Variants in SH3GL3 observed in about 807,000 individuals in gnomAD.
SH3GL3 encodes SH3 domain containing GRB2 like 3, endophilin A3.
In SH3GL3, 33 loss-of-function variants were observed where a neutral mutation model predicts 47.7. That is an observed-to-expected ratio of 0.69 (90% CI 0.52 to 0.92). SH3GL3 has a LOEUF of 0.92. Ranked by LOEUF, SH3GL3 falls within the 40% of genes least tolerant of loss-of-function variation. The pLI, the probability that SH3GL3 is intolerant of heterozygous loss-of-function variation, is 0.00. For missense variants in SH3GL3, 363 were observed against 417.8 expected, an observed-to-expected ratio of 0.87 and a Z score of 1.14; for synonymous variants, 155 against 148.8, an observed-to-expected ratio of 1.04 and a Z score of -0.30.
At chr15:83,513,847 T>C (rs2042874024) in intron 1 of SH3GL3, among the ~76,000 whole-genome samples, 1 of 152,160 alleles carries the variant, frequency 6.6e-6, no homozygotes, top group Non-Finnish European at 1.5e-5. Context: ...AAATGACTAA[T>C]CATCATAAAT....
the SH3GL3 span, among the ~76,000 whole-genome samples, chr15:83,629,076 C>A: frequency 6.6e-6 from 1 of 152,068 alleles, no homozygotes; most frequent in Non-Finnish European, 1.5e-5. Context: ...CTGAAAACTA[C>A]AAAACATTGT....
downstream of SH3GL3, among the ~76,000 whole-genome samples, chr15:83,620,199 C>G (rs1007909962): frequency 4.6e-5 from 7 of 152,176 alleles, no homozygotes; most frequent in Admixed American, 3.9e-4. Context: ...GTCTTAAGCC[C>G]TTCAAAGTCA....
At position 83,487,878 on chromosome 15, in the gene SH3GL3, CT is replaced by C. The variant is rs58188472; in HGVS notation, c.45+40313del. Among the ~76,000 whole-genome samples, 135 of 137,542 alleles carry C rather than the reference CT, an allele frequency of 9.8e-4. 1 individual carries two copies. Among genetic ancestry groups the C allele is most frequent in the Middle Eastern group, 3.8e-3 (1 of 264 alleles). The allele number at this position is 137,542 out of a possible 152,430, so 90.2% of individuals were successfully genotyped here. On this transcript the variant is annotated intron_variant, in intron 1 of 8. Transcript: ENST00000427482. ...TTTAATTTTCTTTTCTTTTTCTTTT[CT>C]TTTTTTTTTTTTCCTGAGACGGAGT...
At chr15:83,491,362 T>G (rs1160870939) in intron 1 of SH3GL3, among the ~76,000 whole-genome samples, 1 of 152,096 alleles carries the variant, frequency 6.6e-6, no homozygotes, top group Non-Finnish European at 1.5e-5. Context: ...TTCATTGGAC[T>G]GAATTGTCCT....
chr15:83,581,947 T>C (rs1295156546), intron 6 of SH3GL3, among the ~76,000 whole-genome samples: 5 of 152,180 alleles, frequency 3.3e-5, no homozygotes, highest in African/African-American at 1.2e-4. Flanking sequence ...TTCTCCAACT[T>C]TCCAGGGATC....
chr15:83,580,878 C>T (rs1041295451), intron 6 of SH3GL3, among the ~76,000 whole-genome samples: 1 of 152,188 alleles, frequency 6.6e-6, no homozygotes, highest in Non-Finnish European at 1.5e-5. Context: ...CAACCTCATC[C>T]ACAAGAGGAG....
At chr15:83,613,290 C>T (rs1252431376) in intron 8 of SH3GL3, among the ~76,000 whole-genome samples, 1 of 152,158 alleles carries the variant, frequency 6.6e-6, no homozygotes, top group Non-Finnish European at 1.5e-5. Flanking sequence ...GGTCTTTCTA[C>T]TCAGTGGTCT....
chr15:83,447,832 G>A lies in SH3GL3; in HGVS notation c.45+254G>A. On this transcript the variant is annotated intron_variant, in intron 1 of 8. Coordinates refer to ENST00000427482, the MANE Select transcript of SH3GL3 (RefSeq NM_003027.5). The surrounding 1 kb of genome is among the most constrained non-coding windows in gnomAD (Gnocchi z 5.1). ...TAAATCGGAGAGATTCTGCGGAGCG[G>A]AGGGCAGAGGTGGCGGCCGCGGGGA... is the stretch of plus-strand genomic sequence containing the variant. 6.6e-6 allele frequency among the ~76,000 whole-genome samples: 1 copy of A among 152,164 alleles called. No individual in the cohort carries two copies. The highest frequency in any genetic ancestry group is 1.9e-4 in the East Asian group (1 of 5,178).
At chr15:83,616,551 G>A (rs570286609) in intron 8 of SH3GL3, among the ~76,000 whole-genome samples, 9 of 152,192 alleles carry the variant, frequency 5.9e-5, no homozygotes, top group African/African-American at 2.2e-4. Flanking sequence ...CACTGTGATT[G>A]CTTTTGCACC....
chr15:83,611,224 T>C (rs913400073), intron 8 of SH3GL3, among the ~76,000 whole-genome samples: 2 of 151,216 alleles, frequency 1.3e-5, no homozygotes, highest in East Asian at 3.9e-4. Flanking sequence ...TGACCAGCCG[T>C]CTTAAACTCT....
intron 1 of SH3GL3, among the ~76,000 whole-genome samples, chr15:83,554,113 G>A (rs753504911): frequency 1.4e-4 from 20 of 148,084 alleles, no homozygotes; most frequent in Non-Finnish European, 2.7e-4. Flanking sequence ...TCTGCCTCCC[G>A]AGTTCAAGTG....
intron 1 of SH3GL3, among the ~76,000 whole-genome samples, chr15:83,463,354 A>G (rs193186555): frequency 1.3e-5 from 2 of 152,320 alleles, no homozygotes; most frequent in Non-Finnish European, 2.9e-5. Flanking sequence ...GCTTCTGGAA[A>G]AAATGAACTC....
chr15:83,558,083 A>G (rs1232583055), intron 1 of SH3GL3, among the ~76,000 whole-genome samples: 2 of 152,108 alleles, frequency 1.3e-5, no homozygotes, highest in Non-Finnish European at 2.9e-5. Context: ...AATTGATGGC[A>G]CCTCCCTTAC....
intron 1 of SH3GL3, among the ~76,000 whole-genome samples, chr15:83,495,193 T>C (rs2042032925): frequency 6.6e-6 from 1 of 152,162 alleles, no homozygotes; most frequent in African/African-American, 2.4e-5. Context: ...CTATTTCCCT[T>C]ACCCTTGAAG....
intron 1 of SH3GL3, among the ~76,000 whole-genome samples, chr15:83,520,751 T>C (rs1416530206): frequency 6.6e-6 from 1 of 152,188 alleles, no homozygotes; most frequent in African/African-American, 2.4e-5. Context: ...AGGCCTTTAC[T>C]GTATTGAATA....
chr15:83,626,236 C>T, the SH3GL3 span, among the ~76,000 whole-genome samples: 1 of 152,186 alleles, frequency 6.6e-6, no homozygotes, highest in Non-Finnish European at 1.5e-5. Flanking sequence ...ACTCCTGCTT[C>T]TCCCCATCTC....
chr15:83,597,519 A>G (rs1206675031), intron 8 of SH3GL3, among the ~76,000 whole-genome samples: 3 of 152,142 alleles, frequency 2.0e-5, no homozygotes, highest in Non-Finnish European at 4.4e-5. Context: ...AAAAAATTTT[A>G]CAAGTAACTA....
intron 1 of SH3GL3, among the ~76,000 whole-genome samples, chr15:83,512,688 G>T (rs926555159): frequency 1.3e-5 from 2 of 151,654 alleles, no homozygotes; most frequent in Non-Finnish European, 2.9e-5. Flanking sequence ...CTTCCTCCCC[G>T]TCCCTGCCTC....
intron 3 of SH3GL3, among the ~76,000 whole-genome samples, chr15:83,567,777 C>T (rs570313268): frequency 6.6e-6 from 1 of 152,208 alleles, no homozygotes; most frequent in East Asian, 1.9e-4. Context: ...TCCTCCTCGG[C>T]AATTCTATTT....
Sources: allele counts gnomAD v4.1 joint callset (sites outside exome capture counted in the v4.1 genomes callset), GRCh38; gene constraint gnomAD v4.1.1; non-coding constraint Gnocchi (gnomAD v3.1); transcripts MANE v1.5; gene names NCBI Gene and HGNC (gene_info 2026-07-23, HGNC 2026-07-21).